The following TERF1 variants were observed in gnomAD, a reference collection of about 807,000 sequenced individuals.
TERF1 encodes the protein telomeric repeat-binding factor 1.
In TERF1, 20 loss-of-function variants were observed where a neutral mutation model predicts 55.1. The observed-to-expected ratio is 0.36, with a 90% CI of 0.26 to 0.53. TERF1 has a LOEUF of 0.53. Ranked by LOEUF, TERF1 falls within the 20% of genes least tolerant of loss-of-function variation. The pLI is 0.91. For missense variants in TERF1, 439 were observed against 535.7 expected, an observed-to-expected ratio of 0.82 and a Z score of 1.78; for synonymous variants, 168 against 181.2, an observed-to-expected ratio of 0.93 and a Z score of 0.59.
Position 73,026,977 on chromosome 8 carries a change from C to A in TERF1, c.812C>A (p.Thr271Lys). 5 of 1,612,082 alleles carry A rather than the reference C, an allele frequency of 3.1e-6. No homozygotes were observed. Among genetic ancestry groups the A allele is most frequent in the Non-Finnish European group, 4.2e-6 (5 of 1,179,708 alleles). Residue 271 changes from threonine to lysine, a missense_variant, in exon 6 of 10, where the codon ACA (threonine) becomes AAA (lysine). This residue lies in a region of TERF1 where 140 missense variants were observed against 158.6 expected (regional missense o/e 0.88). Transcript: ENST00000276603. ...AKVVESKRTR[T>K]ITSQDKPSGN... ...GTAGTAGAAAGCAAAAGGACAAGAACAATAACTTCTCAAGATAAACCTAGT... is the reference window on the plus strand; with the variant it reads ...GTAGTAGAAAGCAAAAGGACAAGAAAAATAACTTCTCAAGATAAACCTAGT...
intron 2 of TERF1, among the ~76,000 whole-genome samples, chr8:73,019,497 A>G (rs187446367): frequency 4.7e-4 from 71 of 152,240 alleles, no homozygotes; most frequent in African/African-American, 1.6e-3. Context: ...CTTTTCCATC[A>G]TCTTTCTAAG....
chr8:73,023,512 T>C (rs920279552), intron 4 of TERF1, among the ~76,000 whole-genome samples: 1 of 152,182 alleles, frequency 6.6e-6, no homozygotes, highest in African/African-American at 2.4e-5. Flanking sequence ...AATTTAACCC[T>C]GTACCTGGGG....
At chr8:73,039,770 GGTGTGTGTGTGTGTGTGTGTGTGTGTGT>G (rs35184446) in intron 9 of TERF1, among the ~76,000 whole-genome samples, 3 of 136,364 alleles carry the variant, frequency 2.2e-5, no homozygotes, top group Admixed American at 1.5e-4. Flanking sequence ...TTGTTTTTGT[GGTGTGTGTGTGTGTGTGTGTGTGTGTGT>G]GTGTGTGTGT....
Position 73,032,107 on chromosome 8 carries a change from A to G in TERF1, c.1013A>G (p.Lys338Arg), listed in dbSNP as rs1809312499. Residue 338 changes from lysine to arginine, a missense_variant, in exon 8 of 10, where the codon AAA (lysine) becomes AGA (arginine). Physicochemically the swap from Lys to Arg is conservative, Grantham distance 26 (BLOSUM62 2). Around this residue, in one of 4 missense-constraint regions of TERF1, gnomAD observed 140 missense variants for 158.6 expected, o/e 0.88. Transcript: ENST00000276603. Reference sequence around the variant, plus strand: ...ACCCAGCAACAAGACCTTAATAAGAAAGAAAGAAGAGTAGGAACTCCTCAA... The same window carrying G: ...ACCCAGCAACAAGACCTTAATAAGAGAGAAAGAAGAGTAGGAACTCCTCAA... ...HGTQQQDLNK[K>R]ERRVGTPQST... The G allele has an allele frequency of 1.2e-6, 2 of 1,611,902 alleles. No individual in the cohort carries two copies. Among genetic ancestry groups the G allele is most frequent in the Non-Finnish European group, 1.7e-6 (2 of 1,179,238 alleles).
At chr8:73,012,181 G>C (rs1377904032) in intron 1 of TERF1, 1 of 152,220 alleles carries the variant, frequency 6.6e-6, no homozygotes, top group Non-Finnish European at 1.5e-5. Flanking sequence ...GGAAGGGCTG[G>C]TCAGTGGAGC....
rs56146371 is a variant in TERF1, at chr8:73,032,417, A to G, written c.1039+284A>G. On this transcript the variant is annotated intron_variant, in intron 8 of 9. Transcript: ENST00000276603. ...TGCCACATCATGACATTTCAGTCAAAGACAGACTGCATTGCATATAGGATG... is the reference window on the plus strand; with the variant it reads ...TGCCACATCATGACATTTCAGTCAAGGACAGACTGCATTGCATATAGGATG... Among the ~76,000 whole-genome samples, 1,056 of 152,300 alleles carry G rather than the reference A, an allele frequency of 6.9e-3. 8 individuals are homozygous for G. The highest frequency in any genetic ancestry group is 0.023 in the African/African-American group (971 of 41,568).
At chr8:73,028,572 T>A (rs73687063) in intron 6 of TERF1, among the ~76,000 whole-genome samples, 1 of 20,464 alleles carries the variant, frequency 4.9e-5, no homozygotes, top group African/African-American at 2.0e-4. Flanking sequence ...CGTAGACCCA[T>A]TTTTTTTTTT....
At position 73,013,914 on chromosome 8, in the gene TERF1, C is replaced by T; in HGVS notation, c.339C>T (p.Ser113=). ...TTTTAGCTATTATTCATGGACTATC[C>T]AGTCTAACAGCTTGCCAGTTGAGAA... ...NSAEAIIHGL[S]SLTACQLRTI... is the part of the protein sequence containing the mutation. The change falls in exon 2 of 10, where the codon TCC becomes TCT. Residue 113 remains serine, a synonymous_variant. Coordinates refer to ENST00000276603, the MANE Select transcript of TERF1 (RefSeq NM_017489.3). The T allele has an allele frequency of 1.2e-6, 2 of 1,609,280 alleles. No individual in the cohort carries two copies. Among genetic ancestry groups the T allele is most frequent in the Non-Finnish European group, 1.7e-6 (2 of 1,178,118 alleles).
chr8:73,033,052 C>T (rs1349500041), intron 8 of TERF1, among the ~76,000 whole-genome samples: 7 of 134,630 alleles, frequency 5.2e-5, no homozygotes, highest in African/African-American at 8.3e-5. Context: ...GGATCTAAAC[C>T]TAAATACTTA....
intron 2 of TERF1, among the ~76,000 whole-genome samples, chr8:73,018,040 T>TGTTTCTGA (rs1250160212): frequency 6.6e-6 from 1 of 152,194 alleles, no homozygotes; most frequent in African/African-American, 2.4e-5. Flanking sequence ...GCTCTTCAGA[T>TGTTTCTGA]GTTTCTGAGG....
chr8:73,016,266 A>T (rs1333256981), intron 2 of TERF1, among the ~76,000 whole-genome samples: 1 of 151,770 alleles, frequency 6.6e-6, no homozygotes, highest in Non-Finnish European at 1.5e-5. Context: ...CTGTGCAGTA[A>T]TCATGTATGG....
At chr8:73,022,121 C>T in intron 3 of TERF1, 95 bp from the exon 4 acceptor site, 1 of 678,224 alleles carries the variant, frequency 1.5e-6, no homozygotes, top group Non-Finnish European at 2.5e-6. Flanking sequence ...ATGTTCTCAA[C>T]AGAGGATTTC....
At chr8:73,025,353 G>A (rs900155038) in intron 5 of TERF1, among the ~76,000 whole-genome samples, 2 of 152,132 alleles carry the variant, frequency 1.3e-5, no homozygotes, top group African/African-American at 4.8e-5. Context: ...TAGGCCAGGC[G>A]CGGTGGCTCA....
chr8:73,028,517 C>G (rs1809122130), intron 6 of TERF1, among the ~76,000 whole-genome samples: 2 of 151,430 alleles, frequency 1.3e-5, no homozygotes, highest in African/African-American at 4.9e-5. Flanking sequence ...CTCCTATTTC[C>G]TACTAGATGA....
chr8:73,040,644 T>C (rs189023197), intron 9 of TERF1, among the ~76,000 whole-genome samples: 36 of 152,290 alleles, frequency 2.4e-4, no homozygotes, highest in Admixed American at 2.0e-3. Flanking sequence ...TTGGTGTCTG[T>C]CTTTAGTTTT....
At chr8:73,023,439 G>A (rs1310759381) in intron 4 of TERF1, among the ~76,000 whole-genome samples, 1 of 152,182 alleles carries the variant, frequency 6.6e-6, no homozygotes, top group Non-Finnish European at 1.5e-5. Context: ...CCTTAATCCA[G>A]TAAGGAACCT....
rs746155678 is a variant in TERF1 at position 73,024,846 on chromosome 8, A to G, written c.649A>G (p.Ile217Val). ...GCCTTTCAAAAGCAAATTGCTTATGATAATCTCTCAGAAAGATACATTTCA... is the reference window on the plus strand; with the variant it reads ...GCCTTTCAAAAGCAAATTGCTTATGGTAATCTCTCAGAAAGATACATTTCA... ...HMPFKSKLLM[I>V]ISQKDTFHSF... The change falls in exon 5 of 10, where the codon ATA becomes GTA. Residue 217 changes from isoleucine (I) to valine (V), a missense_variant. Coordinates refer to ENST00000276603, the MANE Select transcript of TERF1 (RefSeq NM_017489.3). 2 of 1,586,372 alleles carry G rather than the reference A, an allele frequency of 1.3e-6. No individual in the cohort carries two copies. Among genetic ancestry groups the G allele is most frequent in the East Asian group, 2.2e-5 (1 of 44,460 alleles).
At chr8:73,044,680 C>T (rs1035015878) in intron 9 of TERF1, among the ~76,000 whole-genome samples, 1 of 152,030 alleles carries the variant, frequency 6.6e-6, no homozygotes, top group Non-Finnish European at 1.5e-5. Context: ...AAACTGAAAC[C>T]GTACTCCTTA....
chr8:73,022,553 C>T (rs754846907), intron 4 of TERF1, among the ~76,000 whole-genome samples: 23 of 152,042 alleles, frequency 1.5e-4, no homozygotes, highest in Non-Finnish European at 2.5e-4. Flanking sequence ...CTCAGGCATT[C>T]GAGACCAGCC....
Sources: gnomAD v4.1 joint callset for allele counts (sites outside exome capture counted in the v4.1 genomes callset) on GRCh38, gnomAD v4.1.1 for gene constraint, gnomAD v4.1.1 regional missense constraint, MANE v1.5 for transcripts, NCBI Gene and HGNC (gene_info 2026-07-23, HGNC 2026-07-21) for gene names.